LYZL4: variants seen among roughly 807,000 people sequenced by gnomAD.
The protein encoded by LYZL4 is lysozyme like 4.
Under a neutral mutation model 17.6 loss-of-function variants are expected in LYZL4, and 13 were observed. The observed-to-expected ratio is 0.74, with a 90% CI of 0.48 to 1.18. LYZL4 has a LOEUF of 1.18. LYZL4 is among the 50% of genes most tolerant of loss of function. The pLI is 0.00. For synonymous variants in LYZL4, 64 were observed against 67.7 expected (o/e 0.95, Z 0.27); for missense variants, 174 against 188.2 (o/e 0.92, Z 0.44).
the LYZL4 span, among the ~76,000 whole-genome samples, chr3:42,368,596 AT>A: frequency 2.0e-5 from 3 of 151,580 alleles, no homozygotes; most frequent in South Asian, 4.2e-4. Flanking sequence ...TGTTGGATAG[AT>A]TTTTTTTTCA....
intron 4 of LYZL4, among the ~76,000 whole-genome samples, chr3:42,403,001 T>A (rs1377111735): frequency 6.6e-6 from 1 of 152,234 alleles, no homozygotes; most frequent in East Asian, 1.9e-4. Context: ...CAACCACTTG[T>A]AAATTTTAGA....
At chr3:42,405,436 C>T (rs1399391968) in intron 3 of LYZL4, among the ~76,000 whole-genome samples, 2 of 152,192 alleles carry the variant, frequency 1.3e-5, no homozygotes, top group East Asian at 3.9e-4. Flanking sequence ...TGCAGTCCTG[C>T]CTCTCCTTGA....
At chr3:42,403,869 A>T (rs1273344343) in intron 4 of LYZL4, among the ~76,000 whole-genome samples, 177 bp downstream of exon 4, 1 of 152,176 alleles carries the variant, frequency 6.6e-6, no homozygotes, top group East Asian at 1.9e-4. Context: ...TTCTCTGATA[A>T]TTATTTCCTT....
At chr3:42,378,141 G>A in the LYZL4 span, among the ~76,000 whole-genome samples, 11 of 152,162 alleles carry the variant, frequency 7.2e-5, no homozygotes, top group Non-Finnish European at 1.5e-4. Context: ...TTTGGTGGTG[G>A]CAAAGTCCCC....
At chr3:42,373,759 G>T in the LYZL4 span, among the ~76,000 whole-genome samples, 1 of 152,166 alleles carries the variant, frequency 6.6e-6, no homozygotes, top group African/African-American at 2.4e-5. Context: ...TTCCCTTAAA[G>T]GTCAGTAGAT....
At chr3:42,374,862 G>A in the LYZL4 span, among the ~76,000 whole-genome samples, 2 of 151,980 alleles carry the variant, frequency 1.3e-5, no homozygotes, top group Non-Finnish European at 2.9e-5. Flanking sequence ...TCACTCTGTT[G>A]CCCAGGCTGG....
rs778528557 is a variant in LYZL4 at position 42,397,251 on chromosome 3, G to A, written c.*14C>T. On this transcript the variant is annotated 3_prime_UTR_variant, in exon 5 of 5. Transcript: ENST00000287748. ...AGATGCAACTGGTGAGTGCTGCAGG[G>A]GCCATGCAGGTGGCTACAGCTTGCA... 10 of 1,547,600 alleles carry A rather than the reference G, an allele frequency of 6.5e-6. No individual in the cohort carries two copies. The African/African-American group carries it at 1.1e-4, about 17-fold the overall frequency.
Position 42,407,014 on chromosome 3 carries a change from A to T in LYZL4, c.140-16T>A. 6.2e-7 allele frequency: 1 copy of T among 1,614,182 alleles called. No homozygotes were observed. Among genetic ancestry groups the T allele is most frequent in the Non-Finnish European group, 8.5e-7 (1 of 1,180,024 alleles). ...AGGCACACCCCTAAGATGGAACAGAAGGTGTGTGACTCTGAGGACAGCTGG... is the reference window on the plus strand; with the variant it reads ...AGGCACACCCCTAAGATGGAACAGATGGTGTGTGACTCTGAGGACAGCTGG... On this transcript the variant is annotated splice_polypyrimidine_tract_variant and intron_variant, in intron 2 of 4. Transcript: ENST00000287748.
chr3:42,382,689 G>C, the LYZL4 span, among the ~76,000 whole-genome samples: 1 of 151,952 alleles, frequency 6.6e-6, no homozygotes, highest in East Asian at 1.9e-4. Flanking sequence ...CTAGAGCCCA[G>C]ATCCACTGAA....
At chr3:42,403,420 C>T (rs1274757945) in intron 4 of LYZL4, among the ~76,000 whole-genome samples, 2 of 151,938 alleles carry the variant, frequency 1.3e-5, no homozygotes, top group South Asian at 4.2e-4. Context: ...CCACCACACC[C>T]GACTTATTTT....
Position 42,407,136 on chromosome 3 carries a change from A to G in LYZL4, c.116T>C (p.Phe39Ser), listed in dbSNP as rs1235056215. Reference protein sequence around the residue: ...KKLHDGGLDYFEGYSLENWVC... With the variant: ...KKLHDGGLDYSEGYSLENWVC... ...ACAGTTCTCAAGGCTATAGCCCTCA[A>G]AATAATCCAGGCCTCCATCGTGGAG... The change falls in exon 2 of 5, where the codon TTT becomes TCT. Residue 39 changes from phenylalanine to serine, a missense_variant. Phe to Ser is a radical substitution (Grantham distance 155). Coordinates refer to ENST00000287748, the MANE Select transcript of LYZL4 (RefSeq NM_144634.4). The G allele has an allele frequency of 6.2e-7, 1 of 1,614,162 alleles. No homozygotes were observed. The highest frequency in any genetic ancestry group is 8.5e-7 in the Non-Finnish European group (1 of 1,180,032).
the LYZL4 span, among the ~76,000 whole-genome samples, chr3:42,383,254 G>A: frequency 6.6e-6 from 1 of 152,044 alleles, no homozygotes; most frequent in Non-Finnish European, 1.5e-5. Flanking sequence ...CTCCAAGAAT[G>A]GGGCAGCCAA....
rs186073566 is a variant in LYZL4, at chr3:42,407,255, C to T, written c.-4G>A. On this transcript the variant is annotated 5_prime_UTR_variant, in exon 2 of 5. Transcript: ENST00000287748. ...AGAGAACCACGGATGCCTTCATCTTCTCCAGGCTCCTGGCAGGTCAGGGCA... is the reference window on the plus strand; with the variant it reads ...AGAGAACCACGGATGCCTTCATCTTTTCCAGGCTCCTGGCAGGTCAGGGCA... The T allele has an allele frequency of 3.1e-6, 5 of 1,614,072 alleles. No individual in the cohort carries two copies. In the East Asian group the frequency reaches 8.9e-5, roughly 29 times the overall value.
At position 42,408,682 on chromosome 3, in the gene LYZL4, G is replaced by A. The variant is rs111293759; in HGVS notation, c.-92-1339C>T. Among the ~76,000 whole-genome samples, 1,243 of 152,238 alleles carry A rather than the reference G, an allele frequency of 8.2e-3. 6 individuals carry two copies. Among genetic ancestry groups the A allele is most frequent in the Non-Finnish European group, 0.013 (902 of 68,012 alleles). ...ACCCCATAGCCCCTAGCACTCCATCGTTATATATCAATTGGACAATTCATT... is the reference window on the plus strand; with the variant it reads ...ACCCCATAGCCCCTAGCACTCCATCATTATATATCAATTGGACAATTCATT... On this transcript the variant is annotated intron_variant, in intron 1 of 4. Coordinates refer to ENST00000287748, the MANE Select transcript of LYZL4 (RefSeq NM_144634.4).
intron 1 of LYZL4, among the ~76,000 whole-genome samples, chr3:42,409,060 C>G (rs374590966): frequency 2.0e-5 from 3 of 152,324 alleles, no homozygotes; most frequent in African/African-American, 7.2e-5. Flanking sequence ...ACACCAAATA[C>G]AGTATCTAGG....
chr3:42,368,864 G>A, the LYZL4 span, among the ~76,000 whole-genome samples: 7 of 152,274 alleles, frequency 4.6e-5, no homozygotes, highest in Non-Finnish European at 8.8e-5. Flanking sequence ...TTGTTTTAAT[G>A]TACTCCCTCA....
chr3:42,394,852 T>C (rs1425313672), downstream of LYZL4, among the ~76,000 whole-genome samples: 1 of 152,232 alleles, frequency 6.6e-6, no homozygotes, highest in Non-Finnish European at 1.5e-5. Context: ...CGCGCTGGAT[T>C]TGGCACTCGA....
chr3:42,406,030 C>A (rs1300221056), intron 3 of LYZL4, among the ~76,000 whole-genome samples: 1 of 152,140 alleles, frequency 6.6e-6, no homozygotes, highest in Non-Finnish European at 1.5e-5. Context: ...TCCTGGCAAC[C>A]ACCTCCCCTT....
Position 42,397,103 on chromosome 3 carries a change from A to G in LYZL4, c.*162T>C. On this transcript the variant is annotated 3_prime_UTR_variant, in exon 5 of 5. Transcript: ENST00000287748. Reference sequence around the variant, plus strand: ...CCAAGTTGAGTAACTAGTTTGGTTTATTCTGCATCCTGCATCCCCGGATGA... The same window carrying G: ...CCAAGTTGAGTAACTAGTTTGGTTTGTTCTGCATCCTGCATCCCCGGATGA... The G allele has an allele frequency of 1.8e-6, 1 of 569,716 alleles. No homozygotes were observed. The highest frequency in any genetic ancestry group is 3.2e-6 in the Non-Finnish European group (1 of 311,128). The allele number at this position is 569,716 out of a possible 1,614,324, so 35.3% of individuals were successfully genotyped here.
Sources: allele counts gnomAD v4.1 joint callset (sites outside exome capture counted in the v4.1 genomes callset), GRCh38; gene constraint gnomAD v4.1.1; transcripts MANE v1.5; gene names NCBI Gene and HGNC (gene_info 2026-07-23, HGNC 2026-07-21).